Variants in ST8SIA2 observed in about 807,000 individuals in gnomAD.
ST8SIA2 encodes the protein ST8 alpha-N-acetyl-neuraminide alpha-2,8-sialyltransferase 2.
Under a neutral mutation model 37.6 loss-of-function variants are expected in ST8SIA2, and 22 were observed. The observed-to-expected ratio is 0.58, with a 90% confidence interval of 0.42 to 0.83. The LOEUF (loss-of-function observed/expected upper bound fraction) is 0.83. ST8SIA2 is among the 40% of genes least tolerant of loss of function. ST8SIA2 has a pLI of 0.00. For synonymous variants in ST8SIA2, 205 were observed against 201.2 expected (o/e 1.02, Z -0.16); for missense variants, 382 against 484.7 (o/e 0.79, Z 1.99).
intron 5 of ST8SIA2, 27 bp from the exon 6 acceptor site, chr15:92,464,067 CTTTTCT>C: frequency 7.4e-7 from 1 of 1,356,942 alleles, no homozygotes; most frequent in Non-Finnish European, 9.6e-7. Flanking sequence ...ACCCATGTTT[CTTTTCT>C]TTTTTTTTTT....
intron 5 of ST8SIA2, among the ~76,000 whole-genome samples, chr15:92,448,866 C>A (rs2049861658): frequency 6.6e-6 from 1 of 152,006 alleles, no homozygotes; most frequent in African/African-American, 2.4e-5. Flanking sequence ...TAATGGACTG[C>A]AGTTTGCAAA....
At chr15:92,400,838 C>T (rs991545030) in intron 1 of ST8SIA2, among the ~76,000 whole-genome samples, 22 of 152,156 alleles carry the variant, frequency 1.4e-4, no homozygotes, top group South Asian at 4.1e-4. Flanking sequence ...AGACCAGGAA[C>T]GCAGGGCCAG....
Position 92,468,427 on chromosome 15 carries a change from T to C in ST8SIA2, c.*4042T>C, listed in dbSNP as rs959706511. On this transcript the variant is annotated 3_prime_UTR_variant, in exon 6 of 6. Coordinates refer to ENST00000268164, the MANE Select transcript of ST8SIA2 (RefSeq NM_006011.4). ...CCCCATCCCCTGGAATGCTCCCTTTTCTTCCCTTCAAAGCCCATGCGGAAA... is the reference window on the plus strand; with the variant it reads ...CCCCATCCCCTGGAATGCTCCCTTTCCTTCCCTTCAAAGCCCATGCGGAAA... 12 of 152,806 alleles carry C rather than the reference T, an allele frequency of 7.9e-5. No individual in the cohort carries two copies. The highest frequency in any genetic ancestry group is 1.5e-4 in the Non-Finnish European group (10 of 68,148). 9.5% of individuals were successfully genotyped at this position (152,806 alleles called of 1,614,324 possible).
At position 92,408,681 on chromosome 15, in the gene ST8SIA2, ATTTATTT is replaced by A. The variant is rs1425409372; in HGVS notation, c.98+14520_98+14526del. Among the ~76,000 whole-genome samples, 4 of 100,054 alleles carry A rather than the reference ATTTATTT, an allele frequency of 4.0e-5. No individual in the cohort carries two copies. The Admixed American group carries it at 5.1e-4, about 13-fold the overall frequency. 65.6% of individuals were successfully genotyped at this position (100,054 alleles called of 152,430 possible). The stretch of plus-strand genomic sequence containing the variant: ...AAATCCACTGAGTTCCATTTTTTTT[ATTTATTT>A]ATTTATTTATTTATTTATTTATTTA... On this transcript the variant is annotated intron_variant, in intron 1 of 5. Transcript: ENST00000268164.
chr15:92,445,679 T>G (rs2049837249), intron 5 of ST8SIA2, among the ~76,000 whole-genome samples: 1 of 152,198 alleles, frequency 6.6e-6, no homozygotes, highest in Non-Finnish European at 1.5e-5. Flanking sequence ...AGAAGAGTTT[T>G]GATGTAACTA....
rs138877442 is a variant in ST8SIA2 at position 92,435,082 on chromosome 15, G to T, written c.290+707G>T. Among the ~76,000 whole-genome samples the T allele has an allele frequency of 3.8e-3, 581 of 152,332 alleles. 3 individuals carry two copies. Among genetic ancestry groups the T allele is most frequent in the African/African-American group, 0.013 (546 of 41,576 alleles). On this transcript the variant is annotated intron_variant, in intron 3 of 5. Transcript: ENST00000268164. ...GCCATGATTGACCCAGCAAATATTT[G>T]TAAGTATAATCCAACTATTCAGTTC...
At chr15:92,436,215 G>A (rs2049757282) in intron 3 of ST8SIA2, among the ~76,000 whole-genome samples, 1 of 152,086 alleles carries the variant, frequency 6.6e-6, no homozygotes, top group South Asian at 2.1e-4. Context: ...GTTAGGAGGT[G>A]GGCATATATT....
chr15:92,396,522 C>G (rs2049431909), intron 1 of ST8SIA2, among the ~76,000 whole-genome samples: 1 of 148,610 alleles, frequency 6.7e-6, no homozygotes, highest in Non-Finnish European at 1.5e-5. Context: ...GAGACGGAGT[C>G]TCATTCTGTC....
chr15:92,416,363 T>C (rs926724613), intron 1 of ST8SIA2, among the ~76,000 whole-genome samples: 1 of 145,902 alleles, frequency 6.9e-6, no homozygotes, highest in Admixed American at 6.8e-5. Context: ...GGGTGGGAGG[T>C]GTGTGGAGGC....
At position 92,438,554 on chromosome 15, in the gene ST8SIA2, G is replaced by T. The variant is rs201009865; in HGVS notation, c.492G>T (p.Gly164=). 2.5e-6 allele frequency: 4 copies of T among 1,613,934 alleles called. No homozygotes were observed. The East Asian group carries it at 8.9e-5, about 36-fold the overall frequency. The change falls in exon 4 of 6, where the codon GGG becomes GGT. Residue 164 remains glycine, a synonymous_variant. Coordinates refer to ENST00000268164, the MANE Select transcript of ST8SIA2 (RefSeq NM_006011.4). Reference sequence around the variant, plus strand: ...CTTGTGCCATCGTGGGCAACTCGGGGGTCTTGCTGAACAGCGGCTGTGGGC... The same window carrying T: ...CTTGTGCCATCGTGGGCAACTCGGGTGTCTTGCTGAACAGCGGCTGTGGGC... ...FGTCAIVGNS[G]VLLNSGCGQE...
chr15:92,453,003 C>T (rs149013725), intron 5 of ST8SIA2, among the ~76,000 whole-genome samples: 47 of 152,114 alleles, frequency 3.1e-4, no homozygotes, highest in Admixed American at 9.2e-4. Flanking sequence ...TCTGCTCGCA[C>T]GGTGTACTTA....
chr15:92,406,235 C>T (rs937573113), intron 1 of ST8SIA2, among the ~76,000 whole-genome samples: 5 of 152,156 alleles, frequency 3.3e-5, no homozygotes, highest in Admixed American at 2.6e-4. Flanking sequence ...ACAATCACCT[C>T]GAGGATTTGT....
At chr15:92,445,692 T>A (rs2049837353) in intron 5 of ST8SIA2, among the ~76,000 whole-genome samples, 2 of 152,186 alleles carry the variant, frequency 1.3e-5, no homozygotes, top group Admixed American at 6.5e-5. Flanking sequence ...TGTAACTAAT[T>A]AGGTAAGGAT....
At position 92,393,945 on chromosome 15, in the gene ST8SIA2, G is replaced by C. The variant is rs947108650; in HGVS notation, c.-120G>C. 6.5e-6 allele frequency: 3 copies of C among 464,362 alleles called. No individual in the cohort carries two copies. The highest frequency in any genetic ancestry group is 6.6e-5 in the East Asian group (1 of 15,104). 28.8% of individuals were successfully genotyped at this position (464,362 alleles called of 1,614,324 possible). On this transcript the variant is annotated 5_prime_UTR_variant, in exon 1 of 6. Transcript: ENST00000268164. ...GCCGCCGCCGGCCCGGACTCGTCCG[G>C]AGCGCAGGGTGTCTGCCCAGCTGCG...
chr15:92,409,806 GT>G (rs1446866480), intron 1 of ST8SIA2, among the ~76,000 whole-genome samples: 63 of 152,230 alleles, frequency 4.1e-4, no homozygotes, highest in Admixed American at 3.3e-3. Context: ...TTCTGTGATG[GT>G]TACCATGAGC....
chr15:92,434,912 G>A (rs945641531), intron 3 of ST8SIA2, among the ~76,000 whole-genome samples: 5 of 111,098 alleles, frequency 4.5e-5, no homozygotes, highest in Admixed American at 2.0e-4. Flanking sequence ...GAAAGCAGAG[G>A]TCTGTTTAGC....
chr15:92,440,237 G>A (rs2049791613), intron 4 of ST8SIA2, among the ~76,000 whole-genome samples: 3 of 152,218 alleles, frequency 2.0e-5, no homozygotes, highest in African/African-American at 7.2e-5. Flanking sequence ...CGGGCTGGGT[G>A]GACTGGCTGG....
chr15:92,438,207 C>A, intron 3 of ST8SIA2, 146 bp from the exon 4 acceptor site: 1 of 1,233,036 alleles, frequency 8.1e-7, no homozygotes, highest in South Asian at 1.2e-5. Flanking sequence ...GGAACCTGTT[C>A]TCGAGGGCAT....
At chr15:92,423,133 GA>G (rs1290697092) in intron 1 of ST8SIA2, among the ~76,000 whole-genome samples, 3 of 152,230 alleles carry the variant, frequency 2.0e-5, no homozygotes, top group Admixed American at 1.3e-4. Context: ...TAGTTATGGG[GA>G]AAAGATGTAA....
Sources: gnomAD v4.1 joint callset for allele counts (sites outside exome capture counted in the v4.1 genomes callset) on GRCh38, gnomAD v4.1.1 for gene constraint, MANE v1.5 for transcripts, NCBI Gene and HGNC (gene_info 2026-07-23, HGNC 2026-07-21) for gene names.